The following BRF1 variants were observed in gnomAD, a reference collection of about 807,000 sequenced individuals.
BRF1 encodes transcription factor IIIB 90 kDa subunit.
In BRF1, 59 loss-of-function variants were observed where a neutral mutation model predicts 81.7. That is an observed-to-expected ratio of 0.72 (90% CI 0.59 to 0.90). The LOEUF (loss-of-function observed/expected upper bound fraction) is 0.90. BRF1 is among the 40% of genes least tolerant of loss of function. The pLI is 0.00. For missense variants in BRF1, 1,050 were observed against 936.3 expected, an observed-to-expected ratio of 1.12 and a Z score of -1.58; for synonymous variants, 491 against 395.6, an observed-to-expected ratio of 1.24 and a Z score of -2.86.
At chr14:105,219,079 G>A (rs376088081) in intron 13 of BRF1, 26 bp from the exon 14 acceptor site, 41 of 1,613,798 alleles carry the variant, frequency 2.5e-5, no homozygotes, top group Non-Finnish European at 3.4e-5. Flanking sequence ...GGGGGCCAGC[G>A]TCACTGAGGG....
chr14:105,218,041 C>A (rs1176865565), intron 14 of BRF1, among the ~76,000 whole-genome samples: 1 of 152,194 alleles, frequency 6.6e-6, no homozygotes, highest in African/African-American at 2.4e-5. Flanking sequence ...CTGGCAGGGC[C>A]TCCAGACAGC....
At chr14:105,256,427 G>C in intron 4 of BRF1, 91 bp downstream of exon 4, 7 of 1,613,536 alleles carry the variant, frequency 4.3e-6, no homozygotes, top group Non-Finnish European at 5.9e-6. Flanking sequence ...GATGCGTGGA[G>C]GCACCTGGGG....
chr14:105,226,381 G>A (rs1217784535), intron 8 of BRF1, 91 bp from the exon 9 acceptor site: 1 of 1,560,676 alleles, frequency 6.4e-7, no homozygotes, highest in Non-Finnish European at 8.8e-7. Flanking sequence ...AGGGACCACA[G>A]GCTGCTAGAA....
intron 10 of BRF1, among the ~76,000 whole-genome samples, chr14:105,224,986 G>C (rs185061905): frequency 6.6e-6 from 1 of 152,334 alleles, no homozygotes; most frequent in Admixed American, 6.5e-5. Flanking sequence ...AGCTGTCAGT[G>C]GACGATGACC....
chr14:105,270,954 C>T (rs769920225), intron 3 of BRF1, among the ~76,000 whole-genome samples: 1 of 152,082 alleles, frequency 6.6e-6, no homozygotes, highest in African/African-American at 2.4e-5. Flanking sequence ...ACCCAGGACA[C>T]CCCTCGAGGG....
chr14:105,284,042 G>A lies in BRF1; in HGVS notation c.265+2254C>T, dbSNP rs942354707. Among the ~76,000 whole-genome samples the A allele has an allele frequency of 3.3e-5, 5 of 152,032 alleles. No individual in the cohort carries two copies. Among genetic ancestry groups the A allele is most frequent in the Non-Finnish European group, 7.4e-5 (5 of 67,998 alleles). ...CAGGACGGATCCAGTCACTGTGCCA[G>A]GTCTTCATGCACACTCTCGGTGGCA... On this transcript the variant is annotated intron_variant, in intron 2 of 17. Transcript: ENST00000547530. The surrounding 1 kb of genome is among the most constrained non-coding windows in gnomAD (Gnocchi z 4.0).
At chr14:105,228,942 A>G (rs751965349) in intron 6 of BRF1, 29 bp from the exon 7 acceptor site, 10 of 1,608,374 alleles carry the variant, frequency 6.2e-6, no homozygotes, top group South Asian at 3.3e-5. Flanking sequence ...GGCCTCGTCA[A>G]CCACGGCTGG....
intron 1 of BRF1, among the ~76,000 whole-genome samples, chr14:105,295,117 G>A (rs1269814975): frequency 3.3e-5 from 5 of 151,912 alleles, no homozygotes; most frequent in East Asian, 1.9e-4. Flanking sequence ...AGACAAGGAC[G>A]TTACAGGAAA....
At chr14:105,254,278 AC>A (rs1300799206) in intron 4 of BRF1, among the ~76,000 whole-genome samples, 1 of 152,244 alleles carries the variant, frequency 6.6e-6, no homozygotes, top group Non-Finnish European at 1.5e-5. Context: ...TGTTTTTGAG[AC>A]GGAGTCTTGC....
rs200064229 is a variant in BRF1, at chr14:105,228,938, G to A, written c.695-25C>T. The A allele has an allele frequency of 5.0e-4, 800 of 1,608,848 alleles. 6 individuals carry two copies. The African/African-American group carries it at 8.8e-3, about 18-fold the overall frequency. ...GCTGGAAGGCAACGAGACGGGCCTC[G>A]TCAACCACGGCTGGGAACCAGGGCA... On this transcript the variant is annotated intron_variant, in intron 6 of 17. Coordinates refer to ENST00000547530, the MANE Select transcript of BRF1 (RefSeq NM_001519.4).
intron 1 of BRF1, among the ~76,000 whole-genome samples, chr14:105,297,167 G>T (rs967365806): frequency 1.3e-5 from 2 of 151,928 alleles, no homozygotes; most frequent in Non-Finnish European, 2.9e-5. Flanking sequence ...CAAAAAAAAA[G>T]TCCAGAAGCT....
intron 15 of BRF1, chr14:105,213,544 A>G (rs1266576896): frequency 2.0e-5 from 3 of 152,086 alleles, no homozygotes; most frequent in African/African-American, 4.8e-5. Flanking sequence ...TTAGCTAGAG[A>G]GGAGCAGATG....
At chr14:105,300,263 A>G (rs1373823550) in intron 1 of BRF1, among the ~76,000 whole-genome samples, 183 bp downstream of exon 1, 1 of 152,118 alleles carries the variant, frequency 6.6e-6, no homozygotes, top group Non-Finnish European at 1.5e-5. Context: ...GGGGGTCCAC[A>G]GGCGCGCGAA....
intron 5 of BRF1, among the ~76,000 whole-genome samples, chr14:105,245,854 G>A (rs1486173961): frequency 1.3e-5 from 2 of 152,192 alleles, no homozygotes; most frequent in Non-Finnish European, 2.9e-5. Context: ...TCACGACATT[G>A]GTCTTGGCAA....
chr14:105,228,527 G>C (rs924214945), intron 7 of BRF1, among the ~76,000 whole-genome samples: 9 of 149,178 alleles, frequency 6.0e-5, no homozygotes, highest in East Asian at 1.9e-4. Flanking sequence ...CTAAGCGACA[G>C]AGCAAGGCTG....
intron 5 of BRF1, among the ~76,000 whole-genome samples, chr14:105,251,719 C>T (rs2055624206): frequency 6.6e-6 from 1 of 151,954 alleles, no homozygotes; most frequent in South Asian, 2.1e-4. Context: ...TGCAAACAGG[C>T]AAAGTAAGAA....
intron 2 of BRF1, among the ~76,000 whole-genome samples, chr14:105,274,879 G>A (rs2056815711): frequency 1.3e-5 from 2 of 152,120 alleles, no homozygotes; most frequent in African/African-American, 4.8e-5. Context: ...CTTGCTCCAG[G>A]CAATTAGCCC....
chr14:105,278,770 C>T (rs181272903), intron 2 of BRF1, among the ~76,000 whole-genome samples: 13 of 152,022 alleles, frequency 8.6e-5, no homozygotes, highest in East Asian at 3.9e-4. Flanking sequence ...ATTGGCCGTG[C>T]GCAGTGGCTC....
intron 2 of BRF1, among the ~76,000 whole-genome samples, chr14:105,280,387 G>A (rs2057019929): frequency 6.6e-6 from 1 of 152,220 alleles, no homozygotes; most frequent in African/African-American, 2.4e-5. Context: ...GGGATGAATG[G>A]GTGGAGCTCA....
Sources: gnomAD v4.1 joint callset for allele counts (sites outside exome capture counted in the v4.1 genomes callset) on GRCh38, gnomAD v4.1.1 for gene constraint, Gnocchi (gnomAD v3.1) non-coding constraint, MANE v1.5 for transcripts, NCBI Gene and HGNC (gene_info 2026-07-23, HGNC 2026-07-21) for gene names.